PHTF2: variants seen among roughly 807,000 people sequenced by gnomAD.
PHTF2 encodes putative homeodomain transcription factor 2.
In PHTF2, 60 loss-of-function variants were observed where a neutral mutation model predicts 101.2. The ratio of observed to expected loss-of-function variants is 0.59; its 90% CI spans 0.48 to 0.73. PHTF2 has a LOEUF of 0.73. Among genes scored for constraint, PHTF2 ranks in the 30% least tolerant of loss-of-function variants. The pLI is 0.00. For synonymous variants in PHTF2, 311 were observed against 307.3 expected (o/e 1.01, Z -0.13); for missense variants, 747 against 908.7 (o/e 0.82, Z 2.29).
chr7:77,939,422 ATAGTGAAACCCTGTCTT>A (rs969736101), intron 13 of PHTF2, among the ~76,000 whole-genome samples: 2 of 152,026 alleles, frequency 1.3e-5, no homozygotes, highest in African/African-American at 4.8e-5. Context: ...CCTGAGCAAC[ATAGTGAAACCCTGTCTT>A]TACATCTCTA....
chr7:77,947,833 C>CTTTTTTTTTTTTTT (rs1428512079), intron 16 of PHTF2, among the ~76,000 whole-genome samples: 4 of 43,206 alleles, frequency 9.3e-5, no homozygotes, highest in Admixed American at 2.6e-4. Flanking sequence ...TTTCTTTTTT[C>CTTTTTTTTTTTTTT]TTTCTTTTTT....
At chr7:77,890,807 G>A (rs915669879) in intron 3 of PHTF2, among the ~76,000 whole-genome samples, 1 of 150,920 alleles carries the variant, frequency 6.6e-6, no homozygotes, top group Non-Finnish European at 1.5e-5. Flanking sequence ...GGGTTTCACT[G>A]TGTTAGCTAG....
At chr7:77,948,962 C>T (rs1163954686) in intron 16 of PHTF2, among the ~76,000 whole-genome samples, 1 of 151,990 alleles carries the variant, frequency 6.6e-6, no homozygotes, top group Non-Finnish European at 1.5e-5. Context: ...CATGTGCGTA[C>T]AAGGAAACAC....
At chr7:77,804,014 G>C (rs1339509448) in intron 1 of PHTF2, among the ~76,000 whole-genome samples, 3 of 150,096 alleles carry the variant, frequency 2.0e-5, no homozygotes, top group Non-Finnish European at 4.4e-5. Flanking sequence ...TGTGAATTAA[G>C]TGTATAGGGA....
At chr7:77,860,891 A>G (rs546166504) in intron 3 of PHTF2, among the ~76,000 whole-genome samples, 1 of 151,852 alleles carries the variant, frequency 6.6e-6, no homozygotes, top group Non-Finnish European at 1.5e-5. Flanking sequence ...TATTGTAGTG[A>G]TGGGGTCTCA....
At position 77,902,008 on chromosome 7, in the gene PHTF2, TAC is replaced by T. The variant is rs1801436698; in HGVS notation, c.445+89_445+90del. On this transcript the variant is annotated intron_variant, in intron 7 of 19. Coordinates refer to ENST00000416283, the Ensembl canonical transcript of PHTF2. ...TTTGTTTTAAACATATGCTAACTACTACTGAGTATGATGTATAAGTATGTTAA... is the reference window on the plus strand; with the variant it reads ...TTTGTTTTAAACATATGCTAACTACTTGAGTATGATGTATAAGTATGTTAA... 2.6e-5 allele frequency: 16 copies of T among 620,482 alleles called. No homozygotes were observed. In the South Asian group the frequency reaches 5.8e-4, roughly 22 times the overall value. 38.4% of individuals were successfully genotyped at this position (620,482 alleles called of 1,614,324 possible).
intron 3 of PHTF2, among the ~76,000 whole-genome samples, chr7:77,875,140 A>G (rs1046926183): frequency 1.3e-5 from 2 of 152,006 alleles, no homozygotes; most frequent in African/African-American, 4.8e-5. Flanking sequence ...ATTTCTGTGT[A>G]GGGGTTGCAT....
At chr7:77,901,890 T>C (rs1343421624) in exon 7 of PHTF2, 11 of 1,597,734 alleles carry the variant, frequency 6.9e-6, no homozygotes, top group Non-Finnish European at 8.5e-6. Flanking sequence ...GGTCATCTTT[T>C]TCTGGCTTCT....
chr7:77,899,509 A>G (rs1027712319), intron 5 of PHTF2, among the ~76,000 whole-genome samples: 1 of 151,916 alleles, frequency 6.6e-6, no homozygotes, highest in Non-Finnish European at 1.5e-5. Context: ...TATCATTGCT[A>G]TTTCTTTAAC....
intron 1 of PHTF2, among the ~76,000 whole-genome samples, chr7:77,813,566 T>A (rs1310645026): frequency 6.6e-6 from 1 of 152,242 alleles, no homozygotes; most frequent in Admixed American, 6.5e-5. Context: ...CTGTATTTAA[T>A]GAGCACCTTG....
intron 12 of PHTF2, among the ~76,000 whole-genome samples, chr7:77,934,420 T>C (rs927326457): frequency 2.6e-5 from 4 of 152,246 alleles, no homozygotes; most frequent in African/African-American, 9.6e-5. Flanking sequence ...TTTAAATGGC[T>C]GCATTCCCAC....
chr7:77,937,799 C>G, exon 13 of PHTF2: 1 of 1,544,238 alleles, frequency 6.5e-7, no homozygotes, highest in African/African-American at 1.4e-5. Flanking sequence ...AGAAAGCAGA[C>G]ATGTCTGTAC....
chr7:77,927,177 A>AAAAAAAAT (rs1554388762), intron 11 of PHTF2, among the ~76,000 whole-genome samples: 17 of 78,158 alleles, frequency 2.2e-4, no homozygotes, highest in Admixed American at 3.7e-4. Flanking sequence ...AAAAAAAAAA[A>AAAAAAAAT]ATATATATAT....
intron 2 of PHTF2, among the ~76,000 whole-genome samples, chr7:77,845,220 T>C (rs17158712): frequency 0.16 from 24,150 of 152,178 alleles, 2,721 homozygotes; most frequent in African/African-American, 0.32. Flanking sequence ...TATAGTGACC[T>C]GTAAGATTCC....
At chr7:77,842,621 C>A (rs926335785) in intron 2 of PHTF2, among the ~76,000 whole-genome samples, 4 of 152,146 alleles carry the variant, frequency 2.6e-5, no homozygotes, top group African/African-American at 9.7e-5. Context: ...TTTGCTCCCC[C>A]AGAGGCAATC....
chr7:77,835,266 C>T (rs1181137216), intron 1 of PHTF2, among the ~76,000 whole-genome samples: 1 of 140,510 alleles, frequency 7.1e-6, no homozygotes, highest in Non-Finnish European at 1.5e-5. Context: ...AAGAGCAAAA[C>T]TCCGTCTCAA....
chr7:77,867,255 GATTA>G (rs1798142773), intron 3 of PHTF2, among the ~76,000 whole-genome samples: 1 of 152,160 alleles, frequency 6.6e-6, no homozygotes, highest in African/African-American at 2.4e-5. Context: ...AATGATTAGG[GATTA>G]AATGTAACCC....
intron 7 of PHTF2, among the ~76,000 whole-genome samples, chr7:77,905,999 T>C (rs1801820704): frequency 6.6e-6 from 1 of 152,024 alleles, no homozygotes; most frequent in Non-Finnish European, 1.5e-5. Context: ...TTCTTTTTTT[T>C]TGAGACGGAG....
chr7:77,902,265 T>C (rs1050118995), intron 7 of PHTF2, among the ~76,000 whole-genome samples: 2 of 152,106 alleles, frequency 1.3e-5, no homozygotes, highest in African/African-American at 4.8e-5. Context: ...CTGCCATAGG[T>C]ATAGTTTCTT....
Sources: allele counts gnomAD v4.1 joint callset (sites outside exome capture counted in the v4.1 genomes callset), GRCh38; gene constraint gnomAD v4.1.1; transcripts MANE v1.5; gene names NCBI Gene and HGNC (gene_info 2026-07-23, HGNC 2026-07-21).